Variants in WDFY4 observed in about 807,000 individuals in gnomAD.
WDFY4 encodes the protein WD repeat- and FYVE domain-containing protein 4.
A neutral mutation model predicts 351.9 loss-of-function variants in WDFY4; 169 were observed. The ratio of observed to expected loss-of-function variants is 0.48; its 90% CI spans 0.42 to 0.55. The LOEUF (loss-of-function observed/expected upper bound fraction) is 0.55, where lower values mean the gene tolerates loss of function less well. Ranked by LOEUF, WDFY4 falls within the 20% of genes least tolerant of loss-of-function variation. WDFY4 has a pLI of 0.00. For synonymous variants in WDFY4, 1,622 were observed against 1,574.6 expected (o/e 1.03, Z -0.71); for missense variants, 3,803 against 3,935.6 (o/e 0.97, Z 0.90).
chr10:48,946,947 C>T lies in WDFY4; in HGVS notation c.7955C>T (p.Thr2652Ile). The T allele has an allele frequency of 3.2e-6, 5 of 1,551,470 alleles. No individual in the cohort carries two copies. Among genetic ancestry groups the T allele is most frequent in the Non-Finnish European group, 4.4e-6 (5 of 1,146,988 alleles). The change falls in exon 51 of 62, where the codon ACC (threonine) becomes ATC (isoleucine). Residue 2652 changes from threonine to isoleucine, a missense_variant. Transcript: ENST00000325239. ...TACCTGGTCCGGATGCCACCCTTCA[C>T]CCAGGCCTTCTGCGCTCTGCAGGTG... ...ASYLVRMPPFTQAFCALQGGS... is the reference protein window; with the variant it reads ...ASYLVRMPPFIQAFCALQGGS...
chr10:48,731,591 G>T, intron 9 of WDFY4, 29 bp downstream of exon 9: 1 of 1,536,692 alleles, frequency 6.5e-7, no homozygotes. Context: ...GGAGGGATGG[G>T]CAGGGGTCAG....
intron 20 of WDFY4, among the ~76,000 whole-genome samples, chr10:48,787,807 C>CTCTTCTTCTTCTTCTTCTTCT (rs1555010319): frequency 1.2e-4 from 9 of 76,734 alleles, no homozygotes; most frequent in South Asian, 5.0e-4. Context: ...CCTCCTCCTC[C>CTCTTCTTCTTCTTCTTCTTCT]TCTTCTTCTT....
rs921723371 is a variant in WDFY4 at position 48,829,161 on chromosome 10, C to T, written c.6340+265C>T. On this transcript the variant is annotated intron_variant, in intron 37 of 61. Transcript: ENST00000325239. ...AGAAATGAAATGGAAAGGAATGAAT[C>T]GATGCATAGGTGAAGAGAAAGCTCC... Among the ~76,000 whole-genome samples the T allele has an allele frequency of 1.7e-4, 26 of 152,190 alleles. No homozygotes were observed. In the East Asian group the frequency reaches 2.1e-3, roughly 12 times the overall value.
At chr10:48,714,757 C>G (rs2063854934) in intron 2 of WDFY4, among the ~76,000 whole-genome samples, 1 of 152,162 alleles carries the variant, frequency 6.6e-6, no homozygotes, top group Non-Finnish European at 1.5e-5. Flanking sequence ...ATAGAGAATC[C>G]TCAGCAATTA....
intron 39 of WDFY4, among the ~76,000 whole-genome samples, chr10:48,858,674 G>C: frequency 6.6e-6 from 1 of 152,118 alleles, no homozygotes; most frequent in East Asian, 1.9e-4. Context: ...TTTCAAAGTT[G>C]TTTTAACTCT....
intron 31 of WDFY4, among the ~76,000 whole-genome samples, chr10:48,816,489 C>A (rs1219840088): frequency 2.0e-5 from 3 of 151,968 alleles, no homozygotes; most frequent in Non-Finnish European, 4.4e-5. Flanking sequence ...ATGTTTTGGC[C>A]CTGCTCAGAT....
chr10:48,833,096 C>T (rs2068249015), intron 39 of WDFY4, among the ~76,000 whole-genome samples: 1 of 151,894 alleles, frequency 6.6e-6, no homozygotes, highest in African/African-American at 2.4e-5. Flanking sequence ...ATCAGTTTCT[C>T]AAAACCTGCA....
intron 35 of WDFY4, 132 bp from the exon 36 acceptor site, chr10:48,826,539 A>G (rs1350240793): frequency 1.5e-6 from 1 of 653,272 alleles, no homozygotes; most frequent in African/African-American, 1.8e-5. Flanking sequence ...ATAGCATTGA[A>G]TCTATAAATT....
At chr10:48,788,470 A>C (rs2066568894) in intron 20 of WDFY4, 60 bp from the exon 21 acceptor site, 2 of 1,507,750 alleles carry the variant, frequency 1.3e-6, no homozygotes, top group African/African-American at 2.8e-5. Flanking sequence ...AAATTGTATG[A>C]GGATTAATTT....
Position 48,877,170 on chromosome 10 carries a change from A to G in WDFY4, c.7138A>G (p.Ile2380Val). Residue 2380 changes from isoleucine to valine, a missense_variant, in exon 43 of 62, where the codon ATT becomes GTT. This residue lies in a region of WDFY4 where 3,054 missense variants were observed against 3,148.6 expected (regional missense o/e 0.97). Transcript: ENST00000325239. ...GGAACTGTGTCGGGAAAGACAAGTT[A>G]TTTTACAAGAGCTTCTTGATAAAGA... ...FLELCRERQV[I>V]LQELLDKEKV... 6.4e-7 allele frequency: 1 copy of G among 1,551,628 alleles called. No individual in the cohort carries two copies. The highest frequency in any genetic ancestry group is 8.7e-7 in the Non-Finnish European group (1 of 1,146,938).
chr10:48,687,895 C>G (rs1246867290), intron 1 of WDFY4, among the ~76,000 whole-genome samples: 3 of 152,090 alleles, frequency 2.0e-5, no homozygotes, highest in Non-Finnish European at 4.4e-5. Context: ...GATTCCTCTG[C>G]CTCAGCCTCT....
intron 47 of WDFY4, among the ~76,000 whole-genome samples, chr10:48,919,255 G>A (rs1838833080): frequency 6.6e-6 from 1 of 152,114 alleles, no homozygotes; most frequent in Non-Finnish European, 1.5e-5. Context: ...AGGCATTAAA[G>A]GGATAATAAG....
chr10:48,889,343 A>G (rs1027237265), intron 43 of WDFY4, among the ~76,000 whole-genome samples: 1 of 152,142 alleles, frequency 6.6e-6, no homozygotes, highest in African/African-American at 2.4e-5. Context: ...CACGGATCCC[A>G]TTTGGTGCAG....
chr10:48,973,109 A>G (rs1324501705), intron 57 of WDFY4, among the ~76,000 whole-genome samples: 2 of 152,202 alleles, frequency 1.3e-5, no homozygotes, highest in East Asian at 1.9e-4. Context: ...GAGCAGGCAG[A>G]CTTGGTTCCA....
chr10:48,880,683 G>T (rs2070209469), intron 43 of WDFY4, among the ~76,000 whole-genome samples: 1 of 152,314 alleles, frequency 6.6e-6, no homozygotes, highest in South Asian at 2.1e-4. Context: ...CTGGCCCAGA[G>T]GACTGGGCAG....
chr10:48,773,291 A>G (rs1565181006), intron 13 of WDFY4, among the ~76,000 whole-genome samples: 1 of 152,212 alleles, frequency 6.6e-6, no homozygotes, highest in Non-Finnish European at 1.5e-5. Flanking sequence ...GGAGATCTGC[A>G]TGGAGCACAG....
intron 24 of WDFY4, chr10:48,802,765 A>G (rs1464321784): frequency 2.1e-6 from 1 of 471,512 alleles, no homozygotes; most frequent in East Asian, 6.9e-5. Flanking sequence ...GGGCTGAAGA[A>G]TGTGTTGCCT....
At chr10:48,800,629 G>A (rs1161995924) in intron 24 of WDFY4, among the ~76,000 whole-genome samples, 3 of 151,958 alleles carry the variant, frequency 2.0e-5, no homozygotes, top group Non-Finnish European at 4.4e-5. Flanking sequence ...TGAGAATCAG[G>A]GAGGAACAGG....
chr10:48,688,129 G>A (rs2063103231), intron 1 of WDFY4, among the ~76,000 whole-genome samples: 1 of 152,210 alleles, frequency 6.6e-6, no homozygotes, highest in Non-Finnish European at 1.5e-5. Flanking sequence ...TCTGTTGTGA[G>A]TTGAGTTGTC....
Sources: gnomAD v4.1 joint callset for allele counts (sites outside exome capture counted in the v4.1 genomes callset) on GRCh38, gnomAD v4.1.1 for gene constraint, gnomAD v4.1.1 regional missense constraint, MANE v1.5 for transcripts, NCBI Gene and HGNC (gene_info 2026-07-23, HGNC 2026-07-21) for gene names.